Variants in LIPC observed in about 807,000 individuals in gnomAD.
LIPC encodes the protein lipase C, hepatic type.
LIPC carries 44 observed loss-of-function variants against 50.7 expected under a neutral mutation model. The observed-to-expected ratio is 0.87, with a 90% CI of 0.68 to 1.11. The LOEUF is 1.11. Ranked by LOEUF, LIPC falls within the 50% of genes most tolerant of loss-of-function variation. The probability of loss-of-function intolerance (pLI) is 0.00; values close to 1 mark genes in which losing one functional copy is unlikely to be tolerated. For synonymous variants in LIPC, 271 were observed against 256.4 expected, an observed-to-expected ratio of 1.06 and a Z score of -0.54; for missense variants, 697 against 648.2, an observed-to-expected ratio of 1.08 and a Z score of -0.82.
At chr15:58,527,975 A>T (rs1299680448) in intron 1 of LIPC, among the ~76,000 whole-genome samples, 1 of 151,934 alleles carries the variant, frequency 6.6e-6, no homozygotes, top group African/African-American at 2.4e-5. Flanking sequence ...AGCACATCCA[A>T]CATGCTTTCA....
chr15:58,460,262 T>C (rs745685799), intron 1 of LIPC, among the ~76,000 whole-genome samples: 2 of 152,238 alleles, frequency 1.3e-5, no homozygotes, highest in African/African-American at 4.8e-5. Flanking sequence ...TTCCTGGAGT[T>C]CTAACTCTGC....
In LIPC at chr15:58,545,684, A is replaced by C. The variant is rs569556674; in HGVS notation, c.575-58A>C. On this transcript the variant is annotated intron_variant, in intron 4 of 8. Transcript: ENST00000299022. Reference sequence around the variant, plus strand: ...TAATAATATCCAAAAGCTAAAAAGCACATCTCTCTTCCCCTCTCCTTGCTC... The same window carrying C: ...TAATAATATCCAAAAGCTAAAAAGCCCATCTCTCTTCCCCTCTCCTTGCTC... 2.5e-5 allele frequency: 35 copies of C among 1,417,164 alleles called. No homozygotes were observed. The African/African-American group carries it at 3.2e-4, about 13-fold the overall frequency. The allele number at this position is 1,417,164 out of a possible 1,614,324, so 87.8% of individuals were successfully genotyped here.
intron 6 of LIPC, 91 bp downstream of exon 6, chr15:58,548,663 T>A (rs1893632612): frequency 6.7e-7 from 1 of 1,494,270 alleles, no homozygotes. Flanking sequence ...TTCCTGGAGG[T>A]GCTTCAGCTC....
At chr15:58,437,112 A>G (rs16940299) in intron 1 of LIPC, among the ~76,000 whole-genome samples, 1,632 of 152,292 alleles carry the variant, frequency 0.011, 37 homozygotes, top group African/African-American at 0.038. Context: ...GGGGGCAATA[A>G]TGATGAAGTT....
intron 1 of LIPC, among the ~76,000 whole-genome samples, chr15:58,464,740 A>G (rs867232809): frequency 2.8e-4 from 42 of 152,352 alleles, no homozygotes; most frequent in African/African-American, 9.9e-4. Context: ...TGGGAAGCCA[A>G]GGCGGGCAGA....
intron 1 of LIPC, among the ~76,000 whole-genome samples, chr15:58,528,339 A>T (rs2140886817): frequency 6.6e-6 from 1 of 152,190 alleles, no homozygotes; most frequent in East Asian, 1.9e-4. Flanking sequence ...CGGCCTAAAA[A>T]CACGTCTCAG....
intron 1 of LIPC, among the ~76,000 whole-genome samples, chr15:58,468,155 G>C (rs1894643544): frequency 6.6e-6 from 1 of 152,162 alleles, no homozygotes; most frequent in South Asian, 2.1e-4. Flanking sequence ...TTATAGATAA[G>C]AATACTGGGT....
At chr15:58,564,129 C>T (rs1894272831) in intron 8 of LIPC, 1 of 208,192 alleles carries the variant, frequency 4.8e-6, no homozygotes. Context: ...TTTAACAGAT[C>T]ACAATATCAA....
chr15:58,538,946 G>A (rs1893234823), intron 2 of LIPC, among the ~76,000 whole-genome samples: 1 of 152,194 alleles, frequency 6.6e-6, no homozygotes, highest in Non-Finnish European at 1.5e-5. Context: ...ATTAGCAGTG[G>A]TTCAAAGAAA....
At chr15:58,541,671 C>A in intron 2 of LIPC, 114 bp from the exon 3 acceptor site, 2 of 1,086,886 alleles carry the variant, frequency 1.8e-6, no homozygotes, top group Non-Finnish European at 2.7e-6. Context: ...CTGTGCATGG[C>A]TGAGAAACGT....
intron 6 of LIPC, among the ~76,000 whole-genome samples, chr15:58,555,555 A>G (rs1893912865): frequency 6.6e-6 from 1 of 152,224 alleles, no homozygotes; most frequent in Non-Finnish European, 1.5e-5. Flanking sequence ...CTGGATAACT[A>G]TAGGTCTCCA....
intron 1 of LIPC, among the ~76,000 whole-genome samples, chr15:58,476,474 G>C (rs186661708): frequency 1.8e-4 from 28 of 152,348 alleles, no homozygotes; most frequent in Admixed American, 6.5e-4. Flanking sequence ...TTCTGGGAAG[G>C]TGTGAGTTGG....
At chr15:58,556,716 A>C (rs1221020110) in intron 6 of LIPC, among the ~76,000 whole-genome samples, 1 of 152,254 alleles carries the variant, frequency 6.6e-6, no homozygotes, top group African/African-American at 2.4e-5. Context: ...TCATAAGAGT[A>C]AATCACATGT....
At position 58,564,699 on chromosome 15, in the gene LIPC, C is replaced by T. The variant is rs1412460327; in HGVS notation, c.1388+976C>T. 8.6e-5 allele frequency among the ~76,000 whole-genome samples: 13 copies of T among 151,980 alleles called. 1 individual carries two copies. The highest frequency in any genetic ancestry group is 3.1e-4 in the African/African-American group (13 of 41,386). Reference sequence around the variant, plus strand: ...CCGAGATCGCGGCATTGCACTCCAGCCTGGATGACAGAGAGAGAGACTCCG... The same window carrying T: ...CCGAGATCGCGGCATTGCACTCCAGTCTGGATGACAGAGAGAGAGACTCCG... On this transcript the variant is annotated intron_variant, in intron 8 of 8. Transcript: ENST00000299022.
chr15:58,447,948 T>C (rs1009647816), intron 1 of LIPC, among the ~76,000 whole-genome samples: 10 of 152,314 alleles, frequency 6.6e-5, no homozygotes, highest in Non-Finnish European at 1.3e-4. Context: ...ACACAGGCCT[T>C]TGACTCAAAT....
At chr15:58,505,049 AG>A (rs1892101653) in intron 1 of LIPC, among the ~76,000 whole-genome samples, 1 of 152,278 alleles carries the variant, frequency 6.6e-6, no homozygotes, top group Non-Finnish European at 1.5e-5. Context: ...ACCAAGGCAA[AG>A]AGAATGGAAA....
chr15:58,510,004 A>G lies in LIPC; in HGVS notation c.89-28329A>G, dbSNP rs552827941. Among the ~76,000 whole-genome samples the G allele has an allele frequency of 2.0e-5, 3 of 152,298 alleles. No individual in the cohort carries two copies. The South Asian group carries it at 6.2e-4, about 32-fold the overall frequency. ...AAAAAGAAGAAGCTATTTATATACT[A>G]TTTCATTCCATAAGACTTTATCCAG... On this transcript the variant is annotated intron_variant, in intron 1 of 8. Transcript: ENST00000299022.
At position 58,498,083 on chromosome 15, in the gene LIPC, G is replaced by C. The variant is rs527779794; in HGVS notation, c.89-40250G>C. Among the ~76,000 whole-genome samples the C allele has an allele frequency of 4.6e-5, 7 of 152,292 alleles. No individual in the cohort carries two copies. The South Asian group carries it at 1.5e-3, about 32-fold the overall frequency. The stretch of plus-strand genomic sequence containing the variant: ...TTAATAAGAGCTGAAGGATCAAAGA[G>C]AATGGATCCTGACCATGATTACAAT... On this transcript the variant is annotated intron_variant, in intron 1 of 8. Transcript: ENST00000299022.
intron 1 of LIPC, among the ~76,000 whole-genome samples, chr15:58,481,916 A>T (rs992031145): frequency 2.6e-5 from 4 of 152,224 alleles, no homozygotes; most frequent in Non-Finnish European, 5.9e-5. Flanking sequence ...CTTATGTAAA[A>T]AGGGAGATGT....
Sources: allele counts gnomAD v4.1 joint callset (sites outside exome capture counted in the v4.1 genomes callset), GRCh38; gene constraint gnomAD v4.1.1; transcripts MANE v1.5; gene names NCBI Gene and HGNC (gene_info 2026-07-23, HGNC 2026-07-21).